The following ADGRD1 variants were observed in gnomAD, a reference collection of about 807,000 sequenced individuals.
ADGRD1 encodes G-protein coupled receptor 133.
In ADGRD1, 77 loss-of-function variants were observed where a neutral mutation model predicts 113.4. The observed-to-expected ratio is 0.68, with a 90% CI of 0.57 to 0.82. The LOEUF (loss-of-function observed/expected upper bound fraction) is 0.82. Ranked by LOEUF, ADGRD1 falls within the 40% of genes least tolerant of loss-of-function variation. The pLI is 0.00. For missense variants in ADGRD1, 1,036 were observed against 1,139.1 expected (o/e 0.91, Z 1.30); for synonymous variants, 474 against 475.0 (o/e 1.00, Z 0.03).
intron 15 of ADGRD1, among the ~76,000 whole-genome samples, chr12:131,088,207 G>T (rs976814312): frequency 1.3e-5 from 2 of 152,242 alleles, no homozygotes; most frequent in Non-Finnish European, 2.9e-5. Flanking sequence ...GAGCCCCAGA[G>T]AGAGGGGGGC....
intron 15 of ADGRD1, among the ~76,000 whole-genome samples, chr12:131,085,132 G>C (rs1020674995): frequency 6.6e-6 from 1 of 152,268 alleles, no homozygotes; most frequent in African/African-American, 2.4e-5. Context: ...CTTTGAATCA[G>C]TGGAGGAAGA....
intron 2 of ADGRD1, among the ~76,000 whole-genome samples, chr12:130,955,854 T>C (rs971300096): frequency 1.3e-5 from 2 of 152,210 alleles, no homozygotes; most frequent in Admixed American, 1.3e-4. Context: ...GAGATCTCAG[T>C]CTCGGCTCTC....
At position 131,027,473 on chromosome 12, in the gene ADGRD1, G is replaced by T. The variant is rs560249793; in HGVS notation, c.1473+13133G>T. The T allele has an allele frequency of 6.6e-6, 1 of 152,320 alleles. No individual in the cohort carries two copies. Among genetic ancestry groups the T allele is most frequent in the Non-Finnish European group, 1.5e-5 (1 of 68,042 alleles). 9.4% of individuals were successfully genotyped at this position (152,320 alleles called of 1,614,324 possible). A position where few individuals can be genotyped will look rare whatever the true frequency, so the allele number is the denominator to read the frequency against. On this transcript the variant is annotated intron_variant, in intron 13 of 24. Transcript: ENST00000261654. The surrounding 1 kb of genome is among the most constrained non-coding windows in gnomAD (Gnocchi z 5.1). ...TACGTTTGTCATCCTGCTGGTGTGCGTCTGGCTTCGGGTTTGCATTCTCAC... is the reference window on the plus strand; with the variant it reads ...TACGTTTGTCATCCTGCTGGTGTGCTTCTGGCTTCGGGTTTGCATTCTCAC...
intron 8 of ADGRD1, among the ~76,000 whole-genome samples, chr12:130,997,180 G>T (rs1191369329): frequency 7.6e-6 from 1 of 131,004 alleles, no homozygotes; most frequent in African/African-American, 3.0e-5. Flanking sequence ...TTGCCGGGCG[G>T]GGGGCTGACC....
chr12:131,058,041 C>A (rs1884025286), intron 13 of ADGRD1, among the ~76,000 whole-genome samples: 1 of 152,226 alleles, frequency 6.6e-6, no homozygotes, highest in Non-Finnish European at 1.5e-5. Flanking sequence ...CAGACAGCAA[C>A]TTCCTAGATC....
At chr12:130,991,897 G>C (rs1413413612) in intron 7 of ADGRD1, among the ~76,000 whole-genome samples, 1 of 152,074 alleles carries the variant, frequency 6.6e-6, no homozygotes, top group Non-Finnish European at 1.5e-5. Context: ...GAGGCAGAAG[G>C]ATCACTTGAG....
At chr12:130,996,395 C>T (rs1875359582) in intron 8 of ADGRD1, among the ~76,000 whole-genome samples, 1 of 114,770 alleles carries the variant, frequency 8.7e-6, no homozygotes, top group Non-Finnish European at 2.0e-5. Flanking sequence ...GGCGGCTGGC[C>T]GGGCGGGGGG....
intron 15 of ADGRD1, among the ~76,000 whole-genome samples, chr12:131,103,077 G>C (rs1029405304): frequency 6.6e-6 from 1 of 152,224 alleles, no homozygotes; most frequent in African/African-American, 2.4e-5. Context: ...CACCTTTCCC[G>C]TGATAGCCAC....
chr12:130,986,868 G>C, intron 5 of ADGRD1: 1 of 540,890 alleles, frequency 1.8e-6, no homozygotes, highest in Non-Finnish European at 3.3e-6. Flanking sequence ...GAGTCTCCTT[G>C]AACTGCTTCT....
chr12:131,065,341 C>T (rs1389657317), intron 13 of ADGRD1, among the ~76,000 whole-genome samples: 2 of 152,212 alleles, frequency 1.3e-5, no homozygotes, highest in East Asian at 1.9e-4. Context: ...AAGAGTGAAC[C>T]TTGTCTGAAA....
chr12:131,049,553 G>A (rs980735926), intron 13 of ADGRD1, among the ~76,000 whole-genome samples: 3 of 152,308 alleles, frequency 2.0e-5, no homozygotes, highest in Non-Finnish European at 2.9e-5. Flanking sequence ...GCTCATCCGT[G>A]CACCACCCAG....
chr12:131,024,817 AGAAGGGAGCAATGG>A (rs896738964), intron 13 of ADGRD1: 20 of 152,380 alleles, frequency 1.3e-4, no homozygotes, highest in African/African-American at 4.6e-4. Flanking sequence ...CCCAGACACG[AGAAGGGAGCAATGG>A]GAAGGGAGCA....
intron 13 of ADGRD1, among the ~76,000 whole-genome samples, chr12:131,067,475 C>T (rs936683288): frequency 1.3e-5 from 2 of 152,206 alleles, no homozygotes; most frequent in African/African-American, 4.8e-5. Flanking sequence ...GACCTGGCTT[C>T]TGAGCAGGGG....
In ADGRD1 at chr12:131,113,850, G is replaced by T. The variant is rs1950401486; in HGVS notation, c.2042-4535G>T. On this transcript the variant is annotated intron_variant, in intron 18 of 24. Coordinates refer to ENST00000261654, the MANE Select transcript of ADGRD1 (RefSeq NM_198827.5). The surrounding 1 kb of genome is among the most constrained non-coding windows in gnomAD (Gnocchi z 4.9). Reference sequence around the variant, plus strand: ...TTCTTCAGGCCTCTGTGACGCCCCAGAGAGGAGAGCTGCTCCTTCTGATGA... The same window carrying T: ...TTCTTCAGGCCTCTGTGACGCCCCATAGAGGAGAGCTGCTCCTTCTGATGA... Among the ~76,000 whole-genome samples, 1 of 152,254 alleles carries T rather than the reference G, an allele frequency of 6.6e-6. No individual in the cohort carries two copies. The highest frequency in any genetic ancestry group is 1.5e-5 in the Non-Finnish European group (1 of 68,042).
At chr12:131,056,217 C>T (rs1292444810) in intron 13 of ADGRD1, among the ~76,000 whole-genome samples, 1 of 152,162 alleles carries the variant, frequency 6.6e-6, no homozygotes, top group Non-Finnish European at 1.5e-5. Flanking sequence ...TTGTTCTGAT[C>T]GTAAACGCTT....
In ADGRD1 at chr12:131,003,893, T is replaced by C. The variant is rs1244379934; in HGVS notation, c.1145-293T>C. Among the ~76,000 whole-genome samples the C allele has an allele frequency of 6.6e-6, 1 of 152,138 alleles. No individual in the cohort carries two copies. Among genetic ancestry groups the C allele is most frequent in the African/African-American group, 2.4e-5 (1 of 41,448 alleles). On this transcript the variant is annotated intron_variant, in intron 10 of 24. Transcript: ENST00000261654. The surrounding 1 kb of genome is among the most constrained non-coding windows in gnomAD (Gnocchi z 4.8). ...CCGCATCGCTGAGCACAGCCCATCC[T>C]TGCACCGGCCTTGAGAGCTGGGGGC...
chr12:131,090,587 G>C (rs545479094), intron 15 of ADGRD1, among the ~76,000 whole-genome samples: 1 of 152,316 alleles, frequency 6.6e-6, no homozygotes, highest in Non-Finnish European at 1.5e-5. Flanking sequence ...TGAGTGAACT[G>C]GACCTAGCTG....
chr12:131,066,545 C>T (rs2137112449), intron 13 of ADGRD1, among the ~76,000 whole-genome samples: 1 of 152,354 alleles, frequency 6.6e-6, no homozygotes, highest in Non-Finnish European at 1.5e-5. Flanking sequence ...CCCCTGCATG[C>T]CTGCCCCCGT....
Position 131,003,439 on chromosome 12 carries a change from T to G in ADGRD1, c.1144+137T>G. 1.5e-6 allele frequency: 1 copy of G among 688,380 alleles called. No individual in the cohort carries two copies. The highest frequency in any genetic ancestry group is 2.6e-6 in the Non-Finnish European group (1 of 388,072). 42.6% of individuals were successfully genotyped at this position (688,380 alleles called of 1,614,324 possible). A position where few individuals can be genotyped will look rare whatever the true frequency, so the allele number is the denominator to read the frequency against. ...CTGCTCTGCCTGGCACAAACCACAT[T>G]TGGAAGGAAAACCCGTGGTCAGATG... On this transcript the variant is annotated intron_variant, in intron 10 of 24. Coordinates refer to ENST00000261654, the MANE Select transcript of ADGRD1 (RefSeq NM_198827.5). The surrounding 1 kb of genome is among the most constrained non-coding windows in gnomAD (Gnocchi z 4.8).
Sources: gnomAD v4.1 joint callset for allele counts (sites outside exome capture counted in the v4.1 genomes callset) on GRCh38, gnomAD v4.1.1 for gene constraint, Gnocchi (gnomAD v3.1) non-coding constraint, MANE v1.5 for transcripts, NCBI Gene and HGNC (gene_info 2026-07-23, HGNC 2026-07-21) for gene names.